Variants in GAS7 observed in about 807,000 individuals in gnomAD.
The protein encoded by GAS7 is growth arrest-specific protein 7.
GAS7 carries 28 observed loss-of-function variants against 71.1 expected under a neutral mutation model. That is an observed-to-expected ratio of 0.39 (90% CI 0.29 to 0.54). The LOEUF (loss-of-function observed/expected upper bound fraction) is 0.54, where lower values mean the gene tolerates loss of function less well. Among genes scored for constraint, GAS7 ranks in the 20% least tolerant of loss-of-function variants. The pLI is 0.62. For missense variants in GAS7, 436 were observed against 627.8 expected, an observed-to-expected ratio of 0.69 and a Z score of 3.27; for synonymous variants, 258 against 245.8, an observed-to-expected ratio of 1.05 and a Z score of -0.46.
At chr17:10,081,445 TGCCCA>T (rs1481591956) in intron 1 of GAS7, among the ~76,000 whole-genome samples, 9 of 152,226 alleles carry the variant, frequency 5.9e-5, no homozygotes, top group Non-Finnish European at 8.8e-5. Context: ...TGAGCCACTG[TGCCCA>T]GCCAAGAGTT....
At chr17:9,923,728 A>G (rs1308793973) in intron 11 of GAS7, among the ~76,000 whole-genome samples, 2 of 152,258 alleles carry the variant, frequency 1.3e-5, no homozygotes, top group Admixed American at 6.5e-5. Context: ...CAATTTGGAA[A>G]TATCCATCAA....
At chr17:10,048,462 A>T (rs1282036171) in intron 1 of GAS7, among the ~76,000 whole-genome samples, 5 of 152,224 alleles carry the variant, frequency 3.3e-5, no homozygotes, top group Non-Finnish European at 7.3e-5. Flanking sequence ...AGCTCCATAC[A>T]GCAGGGATTT....
At chr17:9,960,833 C>A (rs567013327) in intron 4 of GAS7, among the ~76,000 whole-genome samples, 55 of 152,338 alleles carry the variant, frequency 3.6e-4, no homozygotes, top group African/African-American at 1.1e-3. Flanking sequence ...CAAAAATGAA[C>A]CTTACAGAGC....
chr17:10,194,387 T>C (rs2074524760), intron 1 of GAS7, among the ~76,000 whole-genome samples: 1 of 152,200 alleles, frequency 6.6e-6, no homozygotes. Context: ...TCCTGGACCC[T>C]ATTAAACCCT....
intron 1 of GAS7, among the ~76,000 whole-genome samples, chr17:10,133,398 C>T (rs1488179015): frequency 1.3e-5 from 2 of 152,064 alleles, no homozygotes; most frequent in Non-Finnish European, 2.9e-5. Flanking sequence ...GCTGGGATTA[C>T]AGGTGTGAGC....
chr17:9,984,509 G>A (rs2070560090), intron 2 of GAS7, among the ~76,000 whole-genome samples: 1 of 152,212 alleles, frequency 6.6e-6, no homozygotes, highest in African/African-American at 2.4e-5. Flanking sequence ...GTGACAAGGA[G>A]AGAGGCTGCC....
At position 9,919,969 on chromosome 17, in the gene GAS7, TTGTGTGTGTGTGTGTGTGTGTG is replaced by T. The variant is rs34994635; in HGVS notation, c.1139-286_1139-265del. On this transcript the variant is annotated intron_variant, in intron 11 of 13. Coordinates refer to ENST00000432992, the MANE Select transcript of GAS7 (RefSeq NM_201433.2). This position sits in a 1 kb window ranked among gnomAD's most constrained non-coding sequence, Gnocchi z 5.0. ...AGGATTCAGGATGGTGGTTCTCATT[TTGTGTGTGTGTGTGTGTGTGTG>T]TGTGTGTGTGTGTGTGTGTGTGTGT... is the stretch of plus-strand genomic sequence containing the variant. Among the ~76,000 whole-genome samples, 57 of 131,498 alleles carry T rather than the reference TTGTGTGTGTGTGTGTGTGTGTG, an allele frequency of 4.3e-4. No individual in the cohort carries two copies. Among genetic ancestry groups the T allele is most frequent in the East Asian group, 9.4e-4 (4 of 4,254 alleles). The allele number at this position is 131,498 out of a possible 152,430, so 86.3% of individuals were successfully genotyped here. A position where few individuals can be genotyped will look rare whatever the true frequency, so the allele number is the denominator to read the frequency against.
chr17:10,161,940 G>A (rs1490373926), intron 1 of GAS7, among the ~76,000 whole-genome samples: 4 of 151,938 alleles, frequency 2.6e-5, no homozygotes, highest in Non-Finnish European at 5.9e-5. Context: ...GGTGGCGGGC[G>A]CCTGTATTTC....
intron 10 of GAS7, 42 bp from the exon 11 acceptor site, chr17:9,925,641 A>T: frequency 6.2e-7 from 1 of 1,612,542 alleles, no homozygotes; most frequent in South Asian, 1.1e-5. Context: ...TACAGCTCGG[A>T]GCCAGTGGGC....
At chr17:9,930,473 CAG>C (rs1434313296) in intron 9 of GAS7, among the ~76,000 whole-genome samples, 3 of 152,208 alleles carry the variant, frequency 2.0e-5, no homozygotes, top group African/African-American at 7.2e-5. Flanking sequence ...TGATGGAACG[CAG>C]AGCCTCTACC....
At chr17:10,040,124 TA>T (rs1221167925) in intron 1 of GAS7, among the ~76,000 whole-genome samples, 1 of 152,112 alleles carries the variant, frequency 6.6e-6, no homozygotes, top group East Asian at 1.9e-4. Context: ...TTAATCCCTC[TA>T]ACAAACCAAA....
chr17:10,131,098 T>G (rs7212961), intron 1 of GAS7, among the ~76,000 whole-genome samples: 3 of 152,110 alleles, frequency 2.0e-5, no homozygotes, highest in Non-Finnish European at 4.4e-5. Context: ...CCACGACTAC[T>G]TTCTGAAACT....
chr17:10,195,651 T>C (rs996672953), intron 1 of GAS7, among the ~76,000 whole-genome samples: 1 of 152,146 alleles, frequency 6.6e-6, no homozygotes, highest in Non-Finnish European at 1.5e-5. Context: ...TGACATCTCA[T>C]GAGGTTCGCC....
chr17:9,974,797 G>C lies in GAS7; in HGVS notation c.386-5035C>G, dbSNP rs1262248016. Among the ~76,000 whole-genome samples the C allele has an allele frequency of 2.6e-5, 4 of 152,088 alleles. No homozygotes were observed. ...AAAGGCGAATATGAAAAGTTATCGAGAAAGGCCAAGCAACAAAGAAGCGCC... is the reference window on the plus strand; with the variant it reads ...AAAGGCGAATATGAAAAGTTATCGACAAAGGCCAAGCAACAAAGAAGCGCC... On this transcript the variant is annotated intron_variant, in intron 3 of 13. Coordinates refer to ENST00000432992, the MANE Select transcript of GAS7 (RefSeq NM_201433.2). The surrounding 1 kb of genome is among the most constrained non-coding windows in gnomAD (Gnocchi z 4.0).
chr17:10,159,720 A>G (rs2074236573), intron 1 of GAS7, among the ~76,000 whole-genome samples: 1 of 151,736 alleles, frequency 6.6e-6, no homozygotes, highest in Non-Finnish European at 1.5e-5. Flanking sequence ...TGTCTGACGT[A>G]GATGCTCATT....
chr17:9,916,930 T>C lies in GAS7; in HGVS notation c.*298A>G, dbSNP rs1597434309. Reference sequence around the variant, plus strand: ...CATGTGACAGTGACCCCTACAAAACTCGGCAAGGACCACAAAGTTCCAGCC... The same window carrying C: ...CATGTGACAGTGACCCCTACAAAACCCGGCAAGGACCACAAAGTTCCAGCC... On this transcript the variant is annotated 3_prime_UTR_variant, in exon 14 of 14. Transcript: ENST00000432992. 1 of 509,266 alleles carries C rather than the reference T, an allele frequency of 2.0e-6. No homozygotes were observed. Among genetic ancestry groups the C allele is most frequent in the Non-Finnish European group, 3.5e-6 (1 of 286,420 alleles). The allele number at this position is 509,266 out of a possible 1,614,324, so 31.5% of individuals were successfully genotyped here.
intron 5 of GAS7, among the ~76,000 whole-genome samples, chr17:9,953,548 G>A (rs1013630977): frequency 3.9e-5 from 6 of 152,270 alleles, no homozygotes; most frequent in Middle Eastern, 3.4e-3. Flanking sequence ...CAGCCTCATC[G>A]TATATGAGGA....
At chr17:9,960,282 C>T (rs1264094393) in intron 4 of GAS7, among the ~76,000 whole-genome samples, 2 of 151,970 alleles carry the variant, frequency 1.3e-5, no homozygotes, top group Non-Finnish European at 2.9e-5. Context: ...CTCTGCCTCC[C>T]AGGTTCAAGC....
chr17:10,164,904 T>C (rs537635399), intron 1 of GAS7, among the ~76,000 whole-genome samples: 10 of 147,594 alleles, frequency 6.8e-5, no homozygotes, highest in African/African-American at 2.3e-4. Flanking sequence ...ATCCCAGCAC[T>C]GTGGGAGGCC....
Sources: allele counts gnomAD v4.1 joint callset (sites outside exome capture counted in the v4.1 genomes callset), GRCh38; gene constraint gnomAD v4.1.1; non-coding constraint Gnocchi (gnomAD v3.1); transcripts MANE v1.5; gene names NCBI Gene and HGNC (gene_info 2026-07-23, HGNC 2026-07-21).